The following OR1J2 variants were observed in gnomAD, a reference collection of about 807,000 sequenced individuals.
OR1J2 encodes olfactory receptor family 1 subfamily J member 2.
For missense variants in OR1J2, 304 were observed against 246.1 expected (o/e 1.24, Z -1.57); for synonymous variants, 142 against 99.7 (o/e 1.42, Z -2.52).
At chr9:122,540,251 C>T in the OR1J2 span, among the ~76,000 whole-genome samples, 24 of 152,030 alleles carry the variant, frequency 1.6e-4, no homozygotes, top group South Asian at 4.2e-4. Flanking sequence ...GGTTTTAGGT[C>T]TAACATTTAA....
At chr9:122,577,863 T>G in the OR1J2 span, among the ~76,000 whole-genome samples, 1 of 151,348 alleles carries the variant, frequency 6.6e-6, no homozygotes, top group Admixed American at 6.6e-5. Flanking sequence ...CACCTTCATA[T>G]CATCAGTACC....
chr9:122,489,938 A>G, the OR1J2 span, among the ~76,000 whole-genome samples: 1 of 152,318 alleles, frequency 6.6e-6, no homozygotes, highest in East Asian at 1.9e-4. Flanking sequence ...TATTGTGAGA[A>G]TTGTCAGGGA....
At chr9:122,543,400 G>C in the OR1J2 span, among the ~76,000 whole-genome samples, 1 of 152,062 alleles carries the variant, frequency 6.6e-6, no homozygotes, top group Non-Finnish European at 1.5e-5. Flanking sequence ...ATGGGGTTTT[G>C]CCATGTTGCC....
the OR1J2 span, among the ~76,000 whole-genome samples, chr9:122,488,571 G>A: frequency 1.3e-5 from 2 of 152,198 alleles, no homozygotes; most frequent in African/African-American, 2.4e-5. Flanking sequence ...ATACATGCAG[G>A]ATTTATTTTT....
At chr9:122,473,841 G>T in the OR1J2 span, among the ~76,000 whole-genome samples, 1 of 152,172 alleles carries the variant, frequency 6.6e-6, no homozygotes, top group Non-Finnish European at 1.5e-5. Context: ...AGATTTATTT[G>T]CTACCCTAGG....
the OR1J2 span, among the ~76,000 whole-genome samples, chr9:122,576,016 T>C: frequency 2.0e-5 from 3 of 152,200 alleles, no homozygotes; most frequent in African/African-American, 7.2e-5. Flanking sequence ...TTTATTTCAG[T>C]TACCATAATG....
chr9:122,547,823 C>T, the OR1J2 span, among the ~76,000 whole-genome samples: 1 of 152,048 alleles, frequency 6.6e-6, no homozygotes, highest in African/African-American at 2.4e-5. Flanking sequence ...AGTGAAATTG[C>T]TGGATCAAAT....
At chr9:122,471,293 C>T in the OR1J2 span, 1 of 152,164 alleles carries the variant, frequency 6.6e-6, no homozygotes. Context: ...CTCATGAGAT[C>T]TAATGGTTTT....
At chr9:122,498,254 C>T in the OR1J2 span, among the ~76,000 whole-genome samples, 1 of 152,020 alleles carries the variant, frequency 6.6e-6, no homozygotes, top group Non-Finnish European at 1.5e-5. Context: ...TTTCCTTCTT[C>T]CTCAAGGATG....
upstream of OR1J2, among the ~76,000 whole-genome samples, chr9:122,506,761 G>A (rs1436397405): frequency 6.6e-6 from 1 of 152,088 alleles, no homozygotes. Flanking sequence ...GAGAGAGAAG[G>A]AAGGAACAGA....
At chr9:122,477,181 G>C in the OR1J2 span, 6 of 1,614,150 alleles carry the variant, frequency 3.7e-6, no homozygotes, top group Non-Finnish European at 1.7e-6. Context: ...ATAATAGATA[G>C]TCACCACTGA....
At chr9:122,558,622 A>G in the OR1J2 span, among the ~76,000 whole-genome samples, 1 of 151,708 alleles carries the variant, frequency 6.6e-6, no homozygotes, top group South Asian at 2.1e-4. Flanking sequence ...TAGTTTTCCC[A>G]TTGGGAAGGT....
chr9:122,545,780 A>G, the OR1J2 span, among the ~76,000 whole-genome samples: 1 of 152,292 alleles, frequency 6.6e-6, no homozygotes, highest in East Asian at 1.9e-4. Flanking sequence ...TATACTCTCC[A>G]AAGTCATGTA....
the OR1J2 span, among the ~76,000 whole-genome samples, chr9:122,469,280 A>G: frequency 2.0e-5 from 3 of 152,216 alleles, no homozygotes; most frequent in Non-Finnish European, 4.4e-5. Flanking sequence ...ACCCAGTGGT[A>G]GATAATTTGA....
chr9:122,526,944 G>T, the OR1J2 span: 1 of 1,614,188 alleles, frequency 6.2e-7, no homozygotes. Context: ...GCGGTCATAC[G>T]CCATGGCAGC....
At chr9:122,571,547 CA>C in the OR1J2 span, among the ~76,000 whole-genome samples, 28,896 of 126,372 alleles carry the variant, frequency 0.23, 3,295 homozygotes, top group South Asian at 0.33. Flanking sequence ...CAGACTGTCT[CA>C]AAAAAAAAAA....
upstream of OR1J2, among the ~76,000 whole-genome samples, chr9:122,510,489 C>CAT (rs140025674): frequency 0.14 from 21,917 of 151,434 alleles, 1,946 homozygotes; most frequent in East Asian, 0.28. Flanking sequence ...TGAAATAAAA[C>CAT]ATATATATAT....
chr9:122,500,833 A>G, the OR1J2 span, among the ~76,000 whole-genome samples: 1 of 152,182 alleles, frequency 6.6e-6, no homozygotes, highest in Non-Finnish European at 1.5e-5. Context: ...TTTGCTCAAT[A>G]CTGAAAAAAA....
At chr9:122,500,953 A>G in the OR1J2 span, among the ~76,000 whole-genome samples, 93 of 152,352 alleles carry the variant, frequency 6.1e-4, 1 homozygote, top group South Asian at 0.018. Context: ...ATACATATTC[A>G]TTGGAAGTAA....
Sources: gnomAD v4.1 joint callset for allele counts (sites outside exome capture counted in the v4.1 genomes callset) on GRCh38, gnomAD v4.1.1 for gene constraint, MANE v1.5 for transcripts, NCBI Gene and HGNC (gene_info 2026-07-23, HGNC 2026-07-21) for gene names.